Variants in PPM1E observed in about 807,000 individuals in gnomAD.
The protein encoded by PPM1E is protein phosphatase, Mg2+/Mn2+ dependent 1E.
PPM1E carries 20 observed loss-of-function variants against 65.9 expected under a neutral mutation model. The observed-to-expected ratio is 0.30, with a 90% CI of 0.21 to 0.44. PPM1E has a LOEUF of 0.44. Among genes scored for constraint, PPM1E ranks in the 20% least tolerant of loss-of-function variants. The pLI, the probability that PPM1E is intolerant of heterozygous loss-of-function variation, is 1.00. For missense variants in PPM1E, 713 were observed against 953.1 expected, an observed-to-expected ratio of 0.75 and a Z score of 3.32; for synonymous variants, 352 against 374.9, an observed-to-expected ratio of 0.94 and a Z score of 0.70.
intron 1 of PPM1E, among the ~76,000 whole-genome samples, chr17:58,877,062 C>T (rs1478279661): frequency 6.6e-6 from 1 of 152,196 alleles, no homozygotes; most frequent in African/African-American, 2.4e-5. Context: ...GGATTACAGG[C>T]GTGAGCCACC....
At chr17:58,865,401 A>C (rs556127763) in intron 1 of PPM1E, among the ~76,000 whole-genome samples, 1 of 142,950 alleles carries the variant, frequency 7.0e-6, no homozygotes, top group Admixed American at 7.0e-5. Flanking sequence ...AAAAACAAAA[A>C]CAAAAAAGAT....
chr17:58,970,407 T>C (rs986071459), intron 4 of PPM1E, among the ~76,000 whole-genome samples: 9 of 152,186 alleles, frequency 5.9e-5, no homozygotes, highest in African/African-American at 1.2e-4. Context: ...CAGTGTTCTA[T>C]ATTGGATTTT....
At chr17:58,935,209 C>T (rs969592888) in intron 1 of PPM1E, among the ~76,000 whole-genome samples, 6 of 150,592 alleles carry the variant, frequency 4.0e-5, no homozygotes, top group Non-Finnish European at 1.5e-5. Flanking sequence ...TGAGATAATG[C>T]CACGCACTCC....
At chr17:58,756,588 C>G in intron 1 of PPM1E, 127 bp downstream of exon 1, 1 of 1,114,512 alleles carries the variant, frequency 9.0e-7, no homozygotes, top group Non-Finnish European at 1.1e-6. Context: ...CGCCTGCCGC[C>G]GCTGAAAGCG....
intron 1 of PPM1E, among the ~76,000 whole-genome samples, chr17:58,787,359 AT>A (rs1291953979): frequency 6.6e-6 from 1 of 152,130 alleles, no homozygotes; most frequent in Non-Finnish European, 1.5e-5. Flanking sequence ...GTACTAATGC[AT>A]TATTGGCCCA....
In PPM1E at chr17:58,787,751, C is replaced by T. The variant is rs145771170; in HGVS notation, c.464+31290C>T. On this transcript the variant is annotated intron_variant, in intron 1 of 6. Coordinates refer to ENST00000308249, the MANE Select transcript of PPM1E (RefSeq NM_014906.5). ...TGAAACCCCATCTCTACTAAAAATA[C>T]AAAAAATTAGCCAGGCGTGGTGGCA... 7.7e-3 allele frequency among the ~76,000 whole-genome samples: 1,173 copies of T among 151,578 alleles called. 13 individuals are homozygous for T. The highest frequency in any genetic ancestry group is 0.019 in the South Asian group (90 of 4,794).
At chr17:58,805,951 A>T (rs1567838691) in intron 1 of PPM1E, among the ~76,000 whole-genome samples, 1 of 97,014 alleles carries the variant, frequency 1.0e-5, no homozygotes, top group Non-Finnish European at 2.1e-5. Context: ...TGTTCTGCTA[A>T]AAAAAAAAAC....
intron 1 of PPM1E, among the ~76,000 whole-genome samples, chr17:58,884,112 T>A (rs1316218183): frequency 2.0e-5 from 3 of 152,190 alleles, no homozygotes; most frequent in Non-Finnish European, 1.5e-5. Context: ...CTCCAGAGAA[T>A]AAGCTGCAGA....
In PPM1E at chr17:58,831,073, C is replaced by CAAA. The variant is rs2050601544; in HGVS notation, c.464+74614_464+74615insAAA. ...TCACCCAGGCTGGAGTGCAGTAGCACAATCTCAGCTCACTGCAACCTCCGC... is the reference window on the plus strand; with the variant it reads ...TCACCCAGGCTGGAGTGCAGTAGCACAAAAATCTCAGCTCACTGCAACCTCCGC... On this transcript the variant is annotated intron_variant, in intron 1 of 6. Transcript: ENST00000308249. Among the ~76,000 whole-genome samples the CAAA allele has an allele frequency of 4.7e-5, 7 of 149,704 alleles. No homozygotes were observed. In the South Asian group the frequency reaches 1.5e-3, roughly 32 times the overall value.
chr17:58,908,145 G>A (rs1175330154), intron 1 of PPM1E, among the ~76,000 whole-genome samples: 1 of 151,230 alleles, frequency 6.6e-6, no homozygotes, highest in Non-Finnish European at 1.5e-5. Flanking sequence ...GCAGTGGCAC[G>A]ATCTCAGCTC....
At chr17:58,843,072 G>T (rs1355770744) in intron 1 of PPM1E, among the ~76,000 whole-genome samples, 1 of 151,588 alleles carries the variant, frequency 6.6e-6, no homozygotes, top group African/African-American at 2.4e-5. Flanking sequence ...AGATCACGAG[G>T]TCAGGAGATC....
At chr17:58,862,376 TG>T (rs1318275049) in intron 1 of PPM1E, among the ~76,000 whole-genome samples, 1 of 152,242 alleles carries the variant, frequency 6.6e-6, no homozygotes, top group Non-Finnish European at 1.5e-5. Context: ...ATATATTGAC[TG>T]GATTATTTGT....
intron 1 of PPM1E, among the ~76,000 whole-genome samples, chr17:58,949,676 T>G (rs2052209892): frequency 6.6e-6 from 1 of 152,186 alleles, no homozygotes; most frequent in African/African-American, 2.4e-5. Flanking sequence ...TTTCTCTTTC[T>G]TCTTTCTCTG....
At chr17:58,811,962 C>T (rs1387982578) in intron 1 of PPM1E, among the ~76,000 whole-genome samples, 1 of 152,072 alleles carries the variant, frequency 6.6e-6, no homozygotes, top group East Asian at 1.9e-4. Flanking sequence ...AGACACTGCT[C>T]CCGGCCAATT....
intron 1 of PPM1E, among the ~76,000 whole-genome samples, chr17:58,865,325 T>C (rs1019044463): frequency 2.0e-5 from 3 of 151,934 alleles, no homozygotes; most frequent in Admixed American, 6.6e-5. Flanking sequence ...AGGCGGAGGT[T>C]GCAGTGAGCA....
chr17:58,865,998 C>G (rs1746151990), intron 1 of PPM1E, among the ~76,000 whole-genome samples: 1 of 152,170 alleles, frequency 6.6e-6, no homozygotes, highest in Non-Finnish European at 1.5e-5. Flanking sequence ...CTTATGTAAA[C>G]TTTAAGCCAG....
chr17:58,883,464 T>C (rs537776821), intron 1 of PPM1E, among the ~76,000 whole-genome samples: 42 of 151,196 alleles, frequency 2.8e-4, no homozygotes, highest in African/African-American at 9.9e-4. Context: ...AGGTATCTAG[T>C]AATTCTTCGC....
At chr17:58,808,171 G>A (rs2050332830) in intron 1 of PPM1E, among the ~76,000 whole-genome samples, 1 of 152,098 alleles carries the variant, frequency 6.6e-6, no homozygotes, top group South Asian at 2.1e-4. Flanking sequence ...TTGGTGATTT[G>A]TTTATCCATG....
intron 1 of PPM1E, among the ~76,000 whole-genome samples, chr17:58,887,669 C>T (rs2051292343): frequency 2.0e-5 from 3 of 152,118 alleles, no homozygotes; most frequent in African/African-American, 7.2e-5. Flanking sequence ...AAAACAAAAT[C>T]AGAGAGCTGG....
Sources: gnomAD v4.1 joint callset for allele counts (sites outside exome capture counted in the v4.1 genomes callset) on GRCh38, gnomAD v4.1.1 for gene constraint, MANE v1.5 for transcripts, NCBI Gene and HGNC (gene_info 2026-07-23, HGNC 2026-07-21) for gene names.